The following CYP7B1 variants were observed in gnomAD, a reference collection of about 807,000 sequenced individuals.
The protein encoded by CYP7B1 is cytochrome P450 7B1.
CYP7B1 carries 29 observed loss-of-function variants against 42.7 expected under a neutral mutation model. The ratio of observed to expected loss-of-function variants is 0.68; its 90% CI spans 0.51 to 0.93. The LOEUF (loss-of-function observed/expected upper bound fraction) is 0.93. Among genes scored for constraint, CYP7B1 ranks in the 40% least tolerant of loss-of-function variants. The probability of loss-of-function intolerance (pLI) is 0.00; values close to 1 mark genes in which losing one functional copy is unlikely to be tolerated. For synonymous variants in CYP7B1, 235 were observed against 218.2 expected (o/e 1.08, Z -0.68); for missense variants, 655 against 600.5 (o/e 1.09, Z -0.95).
Position 64,604,706 on chromosome 8 carries a change from G to A in CYP7B1, c.1209C>T (p.Asp403=), listed in dbSNP as rs1270922385. The part of the protein sequence containing the change: ...VAIFPPVLHG[D]PEIFEAPEEF... ...CCTCTGGAGCTTCAAAGATTTCAGG[G>A]TCACCATGTAGGACTGGAGGAAAGA... is the stretch of plus-strand genomic sequence containing the variant. Residue 403 remains aspartate, a synonymous_variant, in exon 5 of 6, where the codon GAC becomes GAT. Coordinates refer to ENST00000310193, the MANE Select transcript of CYP7B1 (RefSeq NM_004820.5). The A allele has an allele frequency of 1.2e-6, 2 of 1,614,130 alleles. No homozygotes were observed. Among genetic ancestry groups the A allele is most frequent in the Non-Finnish European group, 1.7e-6 (2 of 1,180,026 alleles).
intron 2 of CYP7B1, among the ~76,000 whole-genome samples, chr8:64,622,285 C>T (rs1307563398): frequency 6.6e-6 from 1 of 152,194 alleles, no homozygotes; most frequent in East Asian, 1.9e-4. Flanking sequence ...AAAGTAGTTA[C>T]AGGCAGAAAA....
chr8:64,756,636 C>T (rs141379900), intron 1 of CYP7B1, among the ~76,000 whole-genome samples: 3 of 152,246 alleles, frequency 2.0e-5, no homozygotes, highest in Non-Finnish European at 4.4e-5. Flanking sequence ...AAACCATGCC[C>T]CTGCCCGCTA....
At chr8:64,652,972 C>T (rs1585834093) in intron 1 of CYP7B1, among the ~76,000 whole-genome samples, 1 of 152,102 alleles carries the variant, frequency 6.6e-6, no homozygotes, top group South Asian at 2.1e-4. Flanking sequence ...ATACAACATA[C>T]CAAAATCTCT....
At chr8:64,678,053 T>C (rs1387565437) in intron 1 of CYP7B1, among the ~76,000 whole-genome samples, 2 of 152,120 alleles carry the variant, frequency 1.3e-5, no homozygotes, top group African/African-American at 4.8e-5. Flanking sequence ...ATACTTAAAT[T>C]CTCCCGCTCT....
At chr8:64,623,711 G>A (rs1050277199) in intron 2 of CYP7B1, among the ~76,000 whole-genome samples, 2 of 152,146 alleles carry the variant, frequency 1.3e-5, no homozygotes, top group African/African-American at 2.4e-5. Context: ...TGCAATGAAA[G>A]TTTTAAAATG....
Position 64,798,553 on chromosome 8 carries a change from A to G in CYP7B1, c.35T>C (p.Phe12Ser). Residue 12 changes from phenylalanine (F) to serine (S), a missense_variant, in exon 1 of 6, where the codon TTT (phenylalanine) becomes TCT (serine). By Grantham distance (155) the Phe-to-Ser change is radical. Coordinates refer to ENST00000310193, the MANE Select transcript of CYP7B1 (RefSeq NM_004820.5). ...CGGGAGGCCCAACCGCTCCAGCGAAAAGCGGCCCGTGGCCGCGGACACTTC... is the reference window on the plus strand; with the variant it reads ...CGGGAGGCCCAACCGCTCCAGCGAAGAGCGGCCCGTGGCCGCGGACACTTC... ...AGEVSAATGR[F>S]SLERLGLPGL... The G allele has an allele frequency of 6.7e-7, 1 of 1,493,962 alleles. No individual in the cohort carries two copies. The highest frequency in any genetic ancestry group is 8.8e-7 in the Non-Finnish European group (1 of 1,130,790). The allele number at this position is 1,493,962 out of a possible 1,614,324, so 92.5% of individuals were successfully genotyped here.
chr8:64,599,510 G>T (rs1218328351), intron 5 of CYP7B1, among the ~76,000 whole-genome samples: 3 of 152,086 alleles, frequency 2.0e-5, no homozygotes, highest in Non-Finnish European at 4.4e-5. Flanking sequence ...TCTTTACAGT[G>T]ACCATAATAA....
chr8:64,616,387 T>C (rs990240664), intron 2 of CYP7B1, 106 bp from the exon 3 acceptor site: 31 of 756,068 alleles, frequency 4.1e-5, no homozygotes, highest in African/African-American at 3.7e-4. Context: ...AAGACCCTAA[T>C]AACTAAGGCA....
In CYP7B1 at chr8:64,655,902, G is replaced by A. The variant is rs185373282; in HGVS notation, c.123-31363C>T. On this transcript the variant is annotated intron_variant, in intron 1 of 5. Coordinates refer to ENST00000310193, the MANE Select transcript of CYP7B1 (RefSeq NM_004820.5). ...AGGCTATTACCCTTAGCAAACTAAC[G>A]CTGGAACAGAAATCCAAATACTGCA... 7.9e-5 allele frequency among the ~76,000 whole-genome samples: 12 copies of A among 152,244 alleles called. No individual in the cohort carries two copies. The East Asian group carries it at 1.4e-3, about 17-fold the overall frequency.
At chr8:64,723,768 G>A (rs1249614823) in intron 1 of CYP7B1, among the ~76,000 whole-genome samples, 3 of 151,594 alleles carry the variant, frequency 2.0e-5, no homozygotes, top group African/African-American at 7.3e-5. Flanking sequence ...TATAATCAAA[G>A]ATATTTGCTG....
intron 1 of CYP7B1, among the ~76,000 whole-genome samples, chr8:64,640,224 C>G (rs1805833022): frequency 6.6e-6 from 1 of 151,960 alleles, no homozygotes; most frequent in Admixed American, 6.6e-5. Context: ...GTGATGGCTG[C>G]AAAACTATCA....
intron 1 of CYP7B1, among the ~76,000 whole-genome samples, chr8:64,662,417 G>T (rs1222215913): frequency 6.6e-6 from 1 of 152,146 alleles, no homozygotes; most frequent in East Asian, 1.9e-4. Flanking sequence ...AGTGCTAAAT[G>T]CTTTCCATGA....
chr8:64,700,279 T>C (rs983086221), intron 1 of CYP7B1, among the ~76,000 whole-genome samples: 3 of 152,068 alleles, frequency 2.0e-5, no homozygotes, highest in African/African-American at 7.2e-5. Context: ...ATCAGTCCTT[T>C]CTAACAACCA....
intron 1 of CYP7B1, among the ~76,000 whole-genome samples, chr8:64,648,349 T>C (rs1805985536): frequency 6.6e-6 from 1 of 152,242 alleles, no homozygotes. Context: ...GGTCCTCATA[T>C]ACCCTTGCCA....
At chr8:64,753,474 A>G (rs1164251076) in intron 1 of CYP7B1, among the ~76,000 whole-genome samples, 2 of 152,238 alleles carry the variant, frequency 1.3e-5, no homozygotes, top group Non-Finnish European at 2.9e-5. Flanking sequence ...ACCAAGGACT[A>G]ATGTCCAGTT....
chr8:64,649,922 T>C (rs1806013076), intron 1 of CYP7B1, among the ~76,000 whole-genome samples: 1 of 151,436 alleles, frequency 6.6e-6, no homozygotes, highest in Non-Finnish European at 1.5e-5. Context: ...TATATTGTTT[T>C]TGTTGAATTG....
intron 1 of CYP7B1, among the ~76,000 whole-genome samples, chr8:64,629,125 G>T (rs1373766404): frequency 1.3e-5 from 2 of 151,876 alleles, no homozygotes; most frequent in Non-Finnish European, 2.9e-5. Flanking sequence ...TACTCGGGAG[G>T]CTGAGGCAGG....
chr8:64,722,538 T>C (rs1307231666), intron 1 of CYP7B1, among the ~76,000 whole-genome samples: 1 of 152,108 alleles, frequency 6.6e-6, no homozygotes, highest in Non-Finnish European at 1.5e-5. Flanking sequence ...TACTTTTGCA[T>C]TGAAATTAGT....
intron 1 of CYP7B1, among the ~76,000 whole-genome samples, chr8:64,733,895 A>C (rs565367295): frequency 3.4e-4 from 52 of 152,234 alleles, no homozygotes; most frequent in Non-Finnish European, 5.4e-4. Flanking sequence ...GCTTGAGCCC[A>C]GGAGTTTGAG....
Sources: gnomAD v4.1 joint callset for allele counts (sites outside exome capture counted in the v4.1 genomes callset) on GRCh38, gnomAD v4.1.1 for gene constraint, MANE v1.5 for transcripts, NCBI Gene and HGNC (gene_info 2026-07-23, HGNC 2026-07-21) for gene names.